Variants in XRCC1 observed in about 807,000 individuals in gnomAD.
XRCC1 encodes DNA repair protein XRCC1.
In XRCC1, 52 loss-of-function variants were observed where a neutral mutation model predicts 83.3. The observed-to-expected ratio is 0.62, with a 90% CI of 0.50 to 0.79. XRCC1 has a LOEUF of 0.79. XRCC1 is among the 30% of genes least tolerant of loss of function. The probability of loss-of-function intolerance (pLI) is 0.00; values close to 1 mark genes in which losing one functional copy is unlikely to be tolerated. For synonymous variants in XRCC1, 281 were observed against 312.6 expected (o/e 0.90, Z 1.07); for missense variants, 793 against 823.5 (o/e 0.96, Z 0.45).
At chr19:43,544,094 G>A (rs372332552) in intron 15 of XRCC1, 50 bp downstream of exon 15, 61 of 1,505,504 alleles carry the variant, frequency 4.1e-5, no homozygotes, top group Middle Eastern at 3.7e-4. Flanking sequence ...GTCCCTGAGC[G>A]TTCCCTTGGA....
chr19:43,544,293 A>C, intron 14 of XRCC1, 59 bp from the exon 15 acceptor site: 1 of 1,461,002 alleles, frequency 6.8e-7, no homozygotes, highest in Non-Finnish European at 9.4e-7. Context: ...CAGGCACCAA[A>C]CAGGAGTGAC....
At chr19:43,559,434 C>T (rs1972674069) in intron 3 of XRCC1, among the ~76,000 whole-genome samples, 1 of 131,078 alleles carries the variant, frequency 7.6e-6, no homozygotes, top group Admixed American at 9.0e-5. Flanking sequence ...GAGCCGAGAT[C>T]GCGCCACTGC....
At chr19:43,543,829 G>A in intron 15 of XRCC1, 142 bp from the exon 16 acceptor site, 1 of 729,752 alleles carries the variant, frequency 1.4e-6, no homozygotes, top group East Asian at 2.7e-5. Context: ...ATTCTTTCAT[G>A]TATCCATCTT....
chr19:43,552,140 A>T lies in XRCC1; in HGVS notation c.959T>A (p.Leu320His), dbSNP rs753864985. ...ACTCAGCACCACTACCACACCCTGA[A>T]GGATCTTCCCCAGCTCCTCTGGGCC... Reference protein sequence around the residue: ...RAGPEELGKILQGVVVVLSGF... With the variant: ...RAGPEELGKIHQGVVVVLSGF... The change falls in exon 9 of 17, where the codon CTT becomes CAT. Residue 320 changes from leucine to histidine, a missense_variant. Coordinates refer to ENST00000262887, the MANE Select transcript of XRCC1 (RefSeq NM_006297.3). 1.9e-6 allele frequency: 3 copies of T among 1,614,052 alleles called. No individual in the cohort carries two copies. In the East Asian group the frequency reaches 6.7e-5, roughly 36 times the overall value.
intron 14 of XRCC1, among the ~76,000 whole-genome samples, chr19:43,544,697 C>T (rs569450012): frequency 1.8e-4 from 28 of 152,162 alleles, no homozygotes; most frequent in South Asian, 1.2e-3. Flanking sequence ...TGTAGAGAGA[C>T]GGGGTATTGA....
chr19:43,571,345 C>T (rs973316257), intron 2 of XRCC1, among the ~76,000 whole-genome samples: 8 of 152,132 alleles, frequency 5.3e-5, no homozygotes, highest in African/African-American at 1.7e-4. Flanking sequence ...CTTCCCGGAC[C>T]CTACTATTTA....
intron 2 of XRCC1, among the ~76,000 whole-genome samples, chr19:43,567,638 C>T (rs1972766605): frequency 6.6e-6 from 1 of 151,840 alleles, no homozygotes; most frequent in Non-Finnish European, 1.5e-5. Context: ...ATGGTTAAAA[C>T]AGTAAATTTT....
At chr19:43,554,827 C>A in intron 3 of XRCC1, 23 bp from the exon 4 acceptor site, 1 of 1,600,842 alleles carries the variant, frequency 6.2e-7, no homozygotes. Context: ...AGCCACAGTG[C>A]ATGAGAACCA....
chr19:43,551,982 A>T, intron 9 of XRCC1, 35 bp downstream of exon 9: 1 of 1,608,092 alleles, frequency 6.2e-7, no homozygotes, highest in African/African-American at 1.3e-5. Flanking sequence ...TGGGGGAGAA[A>T]CTGCAGCGGC....
Position 43,543,648 on chromosome 19 carries a change from C to T in XRCC1, c.1752G>A (p.Val584=), listed in dbSNP as rs1972478304. The change falls in exon 16 of 17, where the codon GTG becomes GTA. Residue 584 remains valine, a synonymous_variant. Coordinates refer to ENST00000262887, the MANE Select transcript of XRCC1 (RefSeq NM_006297.3). Reference sequence around the variant, plus strand: ...TGGGATCCCATTCCTGTGCTGTGATCACAAACTGAACCCGGTCACTCATAT... The same window carrying T: ...TGGGATCCCATTCCTGTGCTGTGATTACAAACTGAACCCGGTCACTCATAT... The part of the protein sequence containing the change: ...EDYMSDRVQF[V]ITAQEWDPSF... 6.2e-7 allele frequency: 1 copy of T among 1,613,832 alleles called. No individual in the cohort carries two copies. The highest frequency in any genetic ancestry group is 1.1e-5 in the South Asian group (1 of 91,068).
At chr19:43,556,401 T>TG (rs1465907897) in intron 3 of XRCC1, among the ~76,000 whole-genome samples, 1 of 152,120 alleles carries the variant, frequency 6.6e-6, no homozygotes, top group Non-Finnish European at 1.5e-5. Flanking sequence ...GGCCTTAGCT[T>TG]GGGGGGACAC....
intron 2 of XRCC1, among the ~76,000 whole-genome samples, chr19:43,567,410 C>A (rs1292940386): frequency 6.6e-6 from 1 of 152,066 alleles, no homozygotes; most frequent in Non-Finnish European, 1.5e-5. Context: ...CCTTCCAGTT[C>A]AAGTGATTCT....
intron 2 of XRCC1, among the ~76,000 whole-genome samples, chr19:43,569,798 A>C (rs1206762725): frequency 1.3e-5 from 2 of 152,212 alleles, no homozygotes; most frequent in African/African-American, 4.8e-5. Context: ...AAAAAAAATC[A>C]CAATAAATCA....
chr19:43,555,931 C>T (rs1166065849), intron 3 of XRCC1, among the ~76,000 whole-genome samples: 1 of 152,032 alleles, frequency 6.6e-6, no homozygotes, highest in African/African-American at 2.4e-5. Context: ...TCTCTGTCAC[C>T]CAGGCTGGAG....
rs989972552 is a variant in XRCC1, at chr19:43,573,687, C to T, written c.144+1223G>A. Among the ~76,000 whole-genome samples the T allele has an allele frequency of 9.9e-5, 15 of 151,688 alleles. No individual in the cohort carries two copies. In the East Asian group the frequency reaches 2.9e-3, roughly 29 times the overall value. Reference sequence around the variant, plus strand: ...CAGGAGTTTGAGACCAGCCTGGCAACATGGTGGAAACCCCATCTCTAAAAA... The same window carrying T: ...CAGGAGTTTGAGACCAGCCTGGCAATATGGTGGAAACCCCATCTCTAAAAA... On this transcript the variant is annotated intron_variant, in intron 2 of 16. Transcript: ENST00000262887.
intron 3 of XRCC1, among the ~76,000 whole-genome samples, chr19:43,559,054 T>G (rs1972668431): frequency 6.6e-6 from 1 of 151,366 alleles, no homozygotes; most frequent in Non-Finnish European, 1.5e-5. Flanking sequence ...GGCTGGAGAA[T>G]CCCTTGAGTC....
chr19:43,554,578 A>G (rs566113757), intron 4 of XRCC1, 68 bp downstream of exon 4: 5 of 1,534,654 alleles, frequency 3.3e-6, no homozygotes, highest in Middle Eastern at 1.9e-4. Flanking sequence ...ATGGGACTCA[A>G]TATTGGCCCT....
intron 2 of XRCC1, among the ~76,000 whole-genome samples, chr19:43,573,082 G>A (rs763207920): frequency 1.6e-4 from 24 of 151,766 alleles, no homozygotes; most frequent in Non-Finnish European, 3.2e-4. Flanking sequence ...ACAGGCATAC[G>A]CCACCAAGCC....
chr19:43,570,065 G>A (rs1972792999), intron 2 of XRCC1, among the ~76,000 whole-genome samples: 1 of 152,170 alleles, frequency 6.6e-6, no homozygotes, highest in South Asian at 2.1e-4. Context: ...TTTGCAAAGA[G>A]TCACTGAGCT....
Sources: allele counts gnomAD v4.1 joint callset (sites outside exome capture counted in the v4.1 genomes callset), GRCh38; gene constraint gnomAD v4.1.1; transcripts MANE v1.5; gene names NCBI Gene and HGNC (gene_info 2026-07-23, HGNC 2026-07-21).